TMEM132D: variants seen among roughly 807,000 people sequenced by gnomAD.
TMEM132D encodes the protein transmembrane protein 132D.
In TMEM132D, 21 loss-of-function variants were observed where a neutral mutation model predicts 62.3. That is an observed-to-expected ratio of 0.34 (90% confidence interval 0.24 to 0.49). The LOEUF is 0.49. Ranked by LOEUF, TMEM132D falls within the 20% of genes least tolerant of loss-of-function variation. TMEM132D has a pLI of 0.99. For synonymous variants in TMEM132D, 621 were observed against 575.6 expected, an observed-to-expected ratio of 1.08 and a Z score of -1.13; for missense variants, 1,346 against 1,402.8, an observed-to-expected ratio of 0.96 and a Z score of 0.65.
chr12:129,175,117 G>A (rs1024029022), intron 5 of TMEM132D, among the ~76,000 whole-genome samples: 6 of 152,130 alleles, frequency 3.9e-5, no homozygotes, highest in African/African-American at 1.4e-4. Context: ...TGTTGCAATT[G>A]CTTTTCACAT....
chr12:129,669,768 C>A (rs1044672847), intron 2 of TMEM132D, among the ~76,000 whole-genome samples: 28 of 151,964 alleles, frequency 1.8e-4, no homozygotes, highest in African/African-American at 6.8e-4. Context: ...GATCTGTACT[C>A]CTCATCCTAG....
chr12:129,248,248 TCTATCAA>T (rs1382051978), intron 4 of TMEM132D, among the ~76,000 whole-genome samples: 7 of 152,330 alleles, frequency 4.6e-5, no homozygotes, highest in African/African-American at 7.2e-5. Context: ...GGCTGGTTTC[TCTATCAA>T]CTTTATGATA....
chr12:129,847,456 G>T (rs1165335339), intron 1 of TMEM132D, among the ~76,000 whole-genome samples: 3 of 152,168 alleles, frequency 2.0e-5, no homozygotes, highest in Non-Finnish European at 4.4e-5. Context: ...TGGCTGCTGT[G>T]ATAGCCTTGA....
At chr12:129,691,156 C>A (rs1881052856) in intron 2 of TMEM132D, among the ~76,000 whole-genome samples, 1 of 151,666 alleles carries the variant, frequency 6.6e-6, no homozygotes, top group Non-Finnish European at 1.5e-5. Context: ...ATATAACTTA[C>A]CCCCAATTTT....
chr12:129,474,161 C>T (rs1239553093), intron 3 of TMEM132D, among the ~76,000 whole-genome samples: 1 of 152,194 alleles, frequency 6.6e-6, no homozygotes, highest in African/African-American at 2.4e-5. Context: ...ACTAACCAAT[C>T]TTTTCAAAGG....
At chr12:129,616,198 T>G (rs1177533350) in intron 2 of TMEM132D, among the ~76,000 whole-genome samples, 2 of 152,210 alleles carry the variant, frequency 1.3e-5, no homozygotes, top group Non-Finnish European at 2.9e-5. Flanking sequence ...ATGCTGAGAC[T>G]CACAATGAAT....
rs534381615 is a variant in TMEM132D at position 129,392,593 on chromosome 12, G to T, written c.1116-54776C>A. Among the ~76,000 whole-genome samples, 9 of 152,296 alleles carry T rather than the reference G, an allele frequency of 5.9e-5. No homozygotes were observed. In the South Asian group the frequency reaches 1.7e-3, roughly 28 times the overall value. ...GTGGTTCACAAAGTGTGGTCCCCGGGCCAGTGGCGGCTGTGTTGCTAGGAA... is the reference window on the plus strand; with the variant it reads ...GTGGTTCACAAAGTGTGGTCCCCGGTCCAGTGGCGGCTGTGTTGCTAGGAA... On this transcript the variant is annotated intron_variant, in intron 3 of 8. Transcript: ENST00000422113.
intron 4 of TMEM132D, among the ~76,000 whole-genome samples, chr12:129,239,648 T>A (rs775237455): frequency 5.3e-5 from 8 of 152,208 alleles, no homozygotes; most frequent in Non-Finnish European, 1.0e-4. Flanking sequence ...GAATGCCATC[T>A]GATCACAGAG....
intron 2 of TMEM132D, among the ~76,000 whole-genome samples, chr12:129,642,146 G>A (rs1879655733): frequency 6.6e-6 from 1 of 152,128 alleles, no homozygotes; most frequent in Non-Finnish European, 1.5e-5. Flanking sequence ...AGGGGCCTCT[G>A]CTGTCAGAGG....
At chr12:129,873,299 T>C (rs1480395391) in intron 1 of TMEM132D, among the ~76,000 whole-genome samples, 2 of 152,108 alleles carry the variant, frequency 1.3e-5, no homozygotes, top group Non-Finnish European at 2.9e-5. Flanking sequence ...CTGATTGTGA[T>C]TAACAAAATG....
At chr12:129,381,510 C>T (rs1870949896) in intron 3 of TMEM132D, among the ~76,000 whole-genome samples, 1 of 152,140 alleles carries the variant, frequency 6.6e-6, no homozygotes, top group Non-Finnish European at 1.5e-5. Context: ...CTACTGCCAT[C>T]TCATAGGTAA....
intron 2 of TMEM132D, among the ~76,000 whole-genome samples, chr12:129,579,688 T>C (rs1388715630): frequency 6.6e-6 from 1 of 152,212 alleles, no homozygotes; most frequent in East Asian, 1.9e-4. Flanking sequence ...CTGCCTGCTT[T>C]TTCTAGCCAT....
At chr12:129,685,335 T>G (rs1880881932) in intron 2 of TMEM132D, among the ~76,000 whole-genome samples, 1 of 152,186 alleles carries the variant, frequency 6.6e-6, no homozygotes, top group South Asian at 2.1e-4. Context: ...ATTGGTACAC[T>G]GCATTCCAGC....
chr12:129,657,881 T>C (rs1167174705), intron 2 of TMEM132D, among the ~76,000 whole-genome samples: 1 of 152,220 alleles, frequency 6.6e-6, no homozygotes, highest in Non-Finnish European at 1.5e-5. Flanking sequence ...TTTTACTTCA[T>C]GCAGTCAACT....
chr12:129,457,645 T>G (rs1231592956), intron 3 of TMEM132D, among the ~76,000 whole-genome samples: 1 of 151,946 alleles, frequency 6.6e-6, no homozygotes, highest in Admixed American at 6.6e-5. Context: ...AGGCCATATG[T>G]GAAGCATGGC....
chr12:129,504,148 G>A (rs569094543), intron 3 of TMEM132D, among the ~76,000 whole-genome samples: 27 of 151,738 alleles, frequency 1.8e-4, no homozygotes, highest in African/African-American at 2.4e-4. Context: ...CCTCATCACC[G>A]TCATCATCAT....
intron 4 of TMEM132D, among the ~76,000 whole-genome samples, chr12:129,307,271 G>A (rs1881867788): frequency 6.6e-6 from 1 of 152,118 alleles, no homozygotes; most frequent in Non-Finnish European, 1.5e-5. Context: ...CCAAGTGACA[G>A]TGACTGGGAA....
intron 1 of TMEM132D, among the ~76,000 whole-genome samples, chr12:129,805,775 A>G (rs1443930054): frequency 1.4e-4 from 21 of 148,642 alleles, no homozygotes; most frequent in Admixed American, 6.0e-4. Flanking sequence ...ATGGGAGAAA[A>G]TTTTCGCAAC....
At chr12:129,693,407 A>G (rs1335096866) in intron 2 of TMEM132D, among the ~76,000 whole-genome samples, 1 of 152,216 alleles carries the variant, frequency 6.6e-6, no homozygotes, top group Non-Finnish European at 1.5e-5. Flanking sequence ...CAGCATTCTA[A>G]ATAACTTAAG....
Sources: gnomAD v4.1 joint callset for allele counts (sites outside exome capture counted in the v4.1 genomes callset) on GRCh38, gnomAD v4.1.1 for gene constraint, MANE v1.5 for transcripts, NCBI Gene and HGNC (gene_info 2026-07-23, HGNC 2026-07-21) for gene names.